The following RTN1 variants were observed in gnomAD, a reference collection of about 807,000 sequenced individuals.
The protein encoded by RTN1 is reticulon 1.
RTN1 carries 25 observed loss-of-function variants against 65.5 expected under a neutral mutation model. That is an observed-to-expected ratio of 0.38 (90% CI 0.28 to 0.53). The LOEUF (loss-of-function observed/expected upper bound fraction) is 0.53. Ranked by LOEUF, RTN1 falls within the 20% of genes least tolerant of loss-of-function variation. The probability of loss-of-function intolerance (pLI) is 0.79; values close to 1 mark genes in which losing one functional copy is unlikely to be tolerated. For missense variants in RTN1, 983 were observed against 1,025.4 expected (o/e 0.96, Z 0.57); for synonymous variants, 471 against 447.6 (o/e 1.05, Z -0.66).
chr14:59,612,231 G>C (rs556233208), intron 3 of RTN1, among the ~76,000 whole-genome samples: 82 of 152,314 alleles, frequency 5.4e-4, no homozygotes, highest in African/African-American at 1.8e-3. Flanking sequence ...CTTGCCTGTG[G>C]TTCCATAAAA....
chr14:59,837,045 A>T (rs1957304), intron 1 of RTN1, among the ~76,000 whole-genome samples: 1 of 151,610 alleles, frequency 6.6e-6, no homozygotes, highest in African/African-American at 2.4e-5. Context: ...ATATATATAT[A>T]AAAGGAGAAA....
intron 1 of RTN1, among the ~76,000 whole-genome samples, chr14:59,808,050 T>G (rs1693010569): frequency 1.3e-5 from 2 of 152,354 alleles, no homozygotes; most frequent in African/African-American, 4.8e-5. Flanking sequence ...TTCCTCATTG[T>G]TCTTATTCTG....
intron 3 of RTN1, among the ~76,000 whole-genome samples, chr14:59,630,264 AAAC>A (rs1882508161): frequency 1.3e-5 from 2 of 151,980 alleles, no homozygotes; most frequent in African/African-American, 2.4e-5. Context: ...AAAAAGAAAA[AAAC>A]AACAACCAAG....
intron 3 of RTN1, among the ~76,000 whole-genome samples, chr14:59,710,928 A>G (rs1884406565): frequency 6.6e-6 from 1 of 152,248 alleles, no homozygotes; most frequent in Admixed American, 6.5e-5. Context: ...TATTCAATTT[A>G]AATTTCATTA....
intron 3 of RTN1, among the ~76,000 whole-genome samples, chr14:59,628,238 C>A (rs1414736955): frequency 6.6e-6 from 1 of 152,120 alleles, no homozygotes; most frequent in East Asian, 1.9e-4. Flanking sequence ...GGGAGCTTTT[C>A]AAAAAATACT....
chr14:59,664,828 G>A (rs374231248), intron 3 of RTN1, among the ~76,000 whole-genome samples: 5 of 151,972 alleles, frequency 3.3e-5, no homozygotes, highest in Non-Finnish European at 7.4e-5. Flanking sequence ...TTGTGCAAGC[G>A]TAAGTTTTTA....
intron 3 of RTN1, among the ~76,000 whole-genome samples, chr14:59,658,070 C>T (rs1005731807): frequency 6.6e-6 from 1 of 152,178 alleles, no homozygotes; most frequent in Non-Finnish European, 1.5e-5. Flanking sequence ...GAGGGGCATC[C>T]GCCATTACTG....
At position 59,718,115 on chromosome 14, in the gene RTN1, C is replaced by A. The variant is rs78373901; in HGVS notation, c.1765+8804G>T. 3.2e-4 allele frequency among the ~76,000 whole-genome samples: 49 copies of A among 152,296 alleles called. No individual in the cohort carries two copies. In the East Asian group the frequency reaches 9.1e-3, roughly 28 times the overall value. On this transcript the variant is annotated intron_variant, in intron 3 of 8. Coordinates refer to ENST00000267484, the MANE Select transcript of RTN1 (RefSeq NM_021136.3). ...AATCTGCTCTTCCTGCCATTCACACCCACTTCCACAAGGAAAGAGAAAAGT... is the reference window on the plus strand; with the variant it reads ...AATCTGCTCTTCCTGCCATTCACACACACTTCCACAAGGAAAGAGAAAAGT...
intron 1 of RTN1, among the ~76,000 whole-genome samples, chr14:59,796,258 T>C (rs1312643667): frequency 1.3e-5 from 2 of 152,202 alleles, no homozygotes; most frequent in Non-Finnish European, 2.9e-5. Context: ...TCATATAGCC[T>C]AGGTATGTAG....
chr14:59,659,194 A>G (rs1316788285), intron 3 of RTN1, among the ~76,000 whole-genome samples: 3 of 152,124 alleles, frequency 2.0e-5, no homozygotes, highest in Non-Finnish European at 2.9e-5. Flanking sequence ...AAAAAAAAAA[A>G]GAATGAAAAG....
intron 3 of RTN1, among the ~76,000 whole-genome samples, chr14:59,620,796 G>A (rs986546474): frequency 7.9e-5 from 12 of 152,224 alleles, no homozygotes; most frequent in African/African-American, 2.9e-4. Flanking sequence ...TGATCAATGG[G>A]TGGTGGGGCT....
At chr14:59,731,738 C>T (rs998248754) in intron 2 of RTN1, among the ~76,000 whole-genome samples, 1 of 152,194 alleles carries the variant, frequency 6.6e-6, no homozygotes, top group Non-Finnish European at 1.5e-5. Flanking sequence ...GTATTTGACA[C>T]ACTGTCCACT....
chr14:59,729,825 A>G (rs562547567), intron 2 of RTN1, among the ~76,000 whole-genome samples: 27 of 152,274 alleles, frequency 1.8e-4, no homozygotes, highest in Admixed American at 9.1e-4. Context: ...GCTGACCTAC[A>G]TAGAAAGCAT....
chr14:59,749,296 A>C (rs1441976475), intron 1 of RTN1, among the ~76,000 whole-genome samples: 2 of 67,306 alleles, frequency 3.0e-5, no homozygotes, highest in Non-Finnish European at 2.3e-5. Flanking sequence ...ATCTATATAT[A>C]TCTATATATA....
intron 1 of RTN1, among the ~76,000 whole-genome samples, chr14:59,750,653 ATAATATATAATATATATATTATAT>A (rs1885495017): frequency 2.4e-5 from 1 of 42,094 alleles, no homozygotes; most frequent in Non-Finnish European, 3.8e-5. Context: ...TATTATATCT[ATAATATATAATATATATATTATAT>A]CTATAATATA....
At chr14:59,824,786 C>T (rs1771299907) in intron 1 of RTN1, among the ~76,000 whole-genome samples, 1 of 152,088 alleles carries the variant, frequency 6.6e-6, no homozygotes, top group Admixed American at 6.5e-5. Flanking sequence ...ATCTTATTTG[C>T]CAACTAAGAA....
intron 3 of RTN1, chr14:59,630,883 G>T: frequency 2.0e-6 from 2 of 983,248 alleles, no homozygotes; most frequent in Non-Finnish European, 2.4e-6. Flanking sequence ...GCTGACGGTG[G>T]GGGTGAGAGG....
intron 8 of RTN1, among the ~76,000 whole-genome samples, chr14:59,602,557 C>G (rs1487093637): frequency 2.6e-5 from 4 of 152,018 alleles, no homozygotes; most frequent in African/African-American, 7.2e-5. Flanking sequence ...CACATACACA[C>G]AGTTGTCGAG....
chr14:59,833,219 G>C (rs968107595), intron 1 of RTN1, among the ~76,000 whole-genome samples: 1 of 152,130 alleles, frequency 6.6e-6, no homozygotes, highest in African/African-American at 2.4e-5. Flanking sequence ...GATACATCTG[G>C]GTTAACTGTC....
Sources: gnomAD v4.1 joint callset for allele counts (sites outside exome capture counted in the v4.1 genomes callset) on GRCh38, gnomAD v4.1.1 for gene constraint, MANE v1.5 for transcripts, NCBI Gene and HGNC (gene_info 2026-07-23, HGNC 2026-07-21) for gene names.